The following CCT6A variants were observed in gnomAD, a reference collection of about 807,000 sequenced individuals.
CCT6A encodes the protein T-complex protein 1 subunit zeta.
Under a neutral mutation model 58.6 loss-of-function variants are expected in CCT6A, and 6 were observed. The ratio of observed to expected loss-of-function variants is 0.10; its 90% CI spans 0.06 to 0.20. The LOEUF (loss-of-function observed/expected upper bound fraction) is 0.20, where lower values mean the gene tolerates loss of function less well. CCT6A is among the 10% of genes least tolerant of loss of function. The pLI, the probability that CCT6A is intolerant of heterozygous loss-of-function variation, is 1.00. For synonymous variants in CCT6A, 245 were observed against 227.8 expected (o/e 1.08, Z -0.68); for missense variants, 516 against 648.8 (o/e 0.80, Z 2.22).
Position 56,057,438 on chromosome 7 carries a change from A to G in CCT6A, c.615-555A>G, listed in dbSNP as rs149917686. 8.2e-4 allele frequency among the ~76,000 whole-genome samples: 124 copies of G among 152,042 alleles called. 1 individual carries two copies. The highest frequency in any genetic ancestry group is 3.9e-4 in the East Asian group (2 of 5,150). ...AGGCTGGTTTTAAATTCCTGGGATT[A>G]AGGTGTCCTCTCACTTCTGCCTCCG... is the stretch of plus-strand genomic sequence containing the variant. On this transcript the variant is annotated intron_variant, in intron 5 of 13. Coordinates refer to ENST00000275603, the MANE Select transcript of CCT6A (RefSeq NM_001762.4).
At chr7:56,052,333 C>T (rs540249234) in intron 1 of CCT6A, 89 bp from the exon 2 acceptor site, 4 of 1,230,714 alleles carry the variant, frequency 3.3e-6, no homozygotes, top group South Asian at 2.4e-5. Context: ...CCCTGGCTCC[C>T]TAAAATCTGG....
chr7:56,055,613 G>A lies in CCT6A; in HGVS notation c.337-11G>A, dbSNP rs774711351. 2 of 1,610,606 alleles carry A rather than the reference G, an allele frequency of 1.2e-6. No homozygotes were observed. Among genetic ancestry groups the A allele is most frequent in the Non-Finnish European group, 1.7e-6 (2 of 1,177,308 alleles). On this transcript the variant is annotated splice_polypyrimidine_tract_variant and intron_variant, in intron 3 of 13. Transcript: ENST00000275603. ...ATTGAAGATGCAAGTGTTAATGTGT[G>A]TTTATTTTAGGGCCTTCATCCTAGA...
chr7:56,052,120 C>T (rs1584542259), intron 1 of CCT6A, 135 bp downstream of exon 1: 8 of 772,974 alleles, frequency 1.0e-5, no homozygotes, highest in Non-Finnish European at 1.5e-5. Context: ...CGGGGTCGGT[C>T]CTGTGTCCCT....
Position 56,062,736 on chromosome 7 carries a change from A to G in CCT6A, c.1504A>G (p.Lys502Glu). The change falls in exon 13 of 14, where the codon AAA becomes GAA. Residue 502 changes from lysine (K) to glutamate (E), a missense_variant. Physicochemically the swap from Lys to Glu is moderately conservative, Grantham distance 56 (BLOSUM62 1). Transcript: ENST00000275603. ...CGTATGGGATAACTATTGTGTAAAGAAACAGCTTCTTCACTCCTGGTAAGT... is the reference window on the plus strand; with the variant it reads ...CGTATGGGATAACTATTGTGTAAAGGAACAGCTTCTTCACTCCTGGTAAGT... ...VGVWDNYCVK[K>E]QLLHSCTVIA... 1 of 1,611,056 alleles carries G rather than the reference A, an allele frequency of 6.2e-7. No homozygotes were observed. The highest frequency in any genetic ancestry group is 8.5e-7 in the Non-Finnish European group (1 of 1,179,080).
chr7:56,055,889 T>C, intron 4 of CCT6A, 92 bp downstream of exon 4: 1 of 937,808 alleles, frequency 1.1e-6, no homozygotes, highest in Admixed American at 2.3e-5. Context: ...CAATTTCAAT[T>C]ACAAGGTGCT....
intron 12 of CCT6A, 87 bp downstream of exon 12, chr7:56,061,936 C>A (rs1294360556): frequency 1.5e-6 from 1 of 678,924 alleles, no homozygotes; most frequent in Non-Finnish European, 2.4e-6. Context: ...TTTTGCTTTG[C>A]AATTTGACAC....
intron 9 of CCT6A, chr7:56,059,855 T>C: frequency 2.2e-6 from 1 of 463,138 alleles, no homozygotes; most frequent in Non-Finnish European, 3.8e-6. Context: ...CATGACTGGC[T>C]AATTTTTTTT....
chr7:56,060,644 G>T (rs770994242), intron 10 of CCT6A, 163 bp from the exon 11 acceptor site: 3 of 1,022,268 alleles, frequency 2.9e-6, no homozygotes, highest in East Asian at 2.4e-5. Flanking sequence ...CCAGTGGCTA[G>T]TGAAGCCATT....
At chr7:56,061,998 A>C (rs1794450741) in intron 12 of CCT6A, 149 bp downstream of exon 12, 1 of 495,454 alleles carries the variant, frequency 2.0e-6, no homozygotes, top group South Asian at 3.3e-5. Flanking sequence ...TAGGATATTA[A>C]TAAAAAATGG....
At position 56,060,788 on chromosome 7, in the gene CCT6A, C is replaced by T; in HGVS notation, c.1214-19C>T. The T allele has an allele frequency of 6.3e-7, 1 of 1,591,982 alleles. No individual in the cohort carries two copies. On this transcript the variant is annotated intron_variant, in intron 10 of 13. Transcript: ENST00000275603. ...TTCTGCAGTTTTCTTAGCATTTTTC[C>T]TTTTCCCCCATCCAACAGGCTGTGT...
At chr7:56,055,261 C>G (rs976242598) in intron 3 of CCT6A, 4 of 272,424 alleles carry the variant, frequency 1.5e-5, no homozygotes, top group African/African-American at 4.5e-5. Flanking sequence ...GTAACAAGTG[C>G]GAAACTCCAT....
intron 12 of CCT6A, among the ~76,000 whole-genome samples, chr7:56,062,407 T>G (rs923128004): frequency 1.3e-5 from 2 of 152,190 alleles, no homozygotes; most frequent in African/African-American, 4.8e-5. Context: ...TCCATTTTAG[T>G]CAGATTATAG....
chr7:56,059,612 A>G lies in CCT6A; in HGVS notation c.1037A>G (p.His346Arg), dbSNP rs1201850745. 2.5e-6 allele frequency: 4 copies of G among 1,587,526 alleles called. No homozygotes were observed. The change falls in exon 9 of 14, where the codon CAT becomes CGT. Residue 346 changes from histidine to arginine, a missense_variant. Around this residue, in one of 3 missense-constraint regions of CCT6A, gnomAD observed 315 missense variants for 389.4 expected, o/e 0.81. Coordinates refer to ENST00000275603, the MANE Select transcript of CCT6A (RefSeq NM_001762.4). Reference protein sequence around the residue: ...FDDLSPDCLGHAGLVYEYTLG... With the variant: ...FDDLSPDCLGRAGLVYEYTLG... The stretch of plus-strand genomic sequence containing the variant: ...GACCTAAGTCCTGACTGCTTGGGAC[A>G]TGCAGGACTTGTATATGAGTATACA...
intron 1 of CCT6A, 132 bp from the exon 2 acceptor site, chr7:56,052,290 C>T (rs1253697546): frequency 1.0e-5 from 8 of 799,410 alleles, no homozygotes; most frequent in South Asian, 3.1e-5. Context: ...CTACACCTGT[C>T]CTCCATCCTG....
intron 9 of CCT6A, 160 bp from the exon 10 acceptor site, chr7:56,060,109 C>T (rs1794401491): frequency 1.6e-6 from 1 of 618,388 alleles, no homozygotes; most frequent in Admixed American, 3.0e-5. Context: ...TGGGGAAAAT[C>T]ACATTTCTTT....
intron 2 of CCT6A, among the ~76,000 whole-genome samples, chr7:56,054,082 A>G (rs1794251430): frequency 6.6e-6 from 1 of 152,218 alleles, no homozygotes; most frequent in African/African-American, 2.4e-5. Context: ...ATGTACAATT[A>G]TGTGTTACTG....
At chr7:56,060,056 T>C in intron 9 of CCT6A, 1 of 553,076 alleles carries the variant, frequency 1.8e-6, no homozygotes, top group Admixed American at 3.2e-5. Flanking sequence ...TTTTTGTTTA[T>C]ATACATTTTG....
In CCT6A at chr7:56,060,250, A is replaced by G. The variant is rs1197297504; in HGVS notation, c.1066-19A>G. On this transcript the variant is annotated intron_variant, in intron 9 of 13. Transcript: ENST00000275603. The stretch of plus-strand genomic sequence containing the variant: ...TGCACAAATCCTGTTTTTGAAAATC[A>G]TATTTTTTCTACACATAGGGAGAAG... 1.9e-6 allele frequency: 3 copies of G among 1,608,952 alleles called. No homozygotes were observed. The highest frequency in any genetic ancestry group is 1.1e-5 in the South Asian group (1 of 90,878).
At chr7:56,061,661 CTTTTTTCTTTTTTTTTTTTT>C in intron 11 of CCT6A, 66 bp from the exon 12 acceptor site, 1 of 591,390 alleles carries the variant, frequency 1.7e-6, no homozygotes, top group Non-Finnish European at 2.7e-6. Context: ...TTTTCTTTTT[CTTTTTTCTTTTTTTTTTTTT>C]TTTTTTTTTT....
Sources: allele counts gnomAD v4.1 joint callset (sites outside exome capture counted in the v4.1 genomes callset), GRCh38; gene constraint gnomAD v4.1.1; regional missense constraint gnomAD v4.1.1; transcripts MANE v1.5; gene names NCBI Gene and HGNC (gene_info 2026-07-23, HGNC 2026-07-21).